The following ACRV1 variants were observed in gnomAD, a reference collection of about 807,000 sequenced individuals.
The protein encoded by ACRV1 is acrosomal vesicle protein 1.
In ACRV1, 17 loss-of-function variants were observed where a neutral mutation model predicts 29.2. The ratio of observed to expected loss-of-function variants is 0.58; its 90% CI spans 0.40 to 0.87. ACRV1 has a LOEUF of 0.87. Ranked by LOEUF, ACRV1 falls within the 40% of genes least tolerant of loss-of-function variation. The probability of loss-of-function intolerance (pLI) is 0.00; values close to 1 mark genes in which losing one functional copy is unlikely to be tolerated. For missense variants in ACRV1, 294 were observed against 316.0 expected (o/e 0.93, Z 0.53); for synonymous variants, 98 against 111.6 (o/e 0.88, Z 0.77).
intron 3 of ACRV1, among the ~76,000 whole-genome samples, chr11:125,672,991 C>T (rs1942276266): frequency 6.6e-6 from 1 of 152,048 alleles, no homozygotes; most frequent in South Asian, 2.1e-4. Flanking sequence ...CTTAATCGTG[C>T]TACTCCCCTA....
At chr11:125,677,010 C>G (rs1360527336) in intron 2 of ACRV1, among the ~76,000 whole-genome samples, 2 of 152,176 alleles carry the variant, frequency 1.3e-5, no homozygotes. Context: ...CATGTTGCCT[C>G]TTTTACTGTC....
rs1942497199 is a variant in ACRV1, at chr11:125,676,173, G to C, written c.673+186C>G. On this transcript the variant is annotated intron_variant, in intron 3 of 3. Transcript: ENST00000533904. ...TCCACCTGCCTTGGCCTCCCAAAGT[G>C]CTGGGATTTTAGGTGTGAGCCACCT... is the stretch of plus-strand genomic sequence containing the variant. 16 of 664,748 alleles carry C rather than the reference G, an allele frequency of 2.4e-5. No homozygotes were observed. The South Asian group carries it at 3.0e-4, about 13-fold the overall frequency. 41.2% of individuals were successfully genotyped at this position (664,748 alleles called of 1,614,324 possible). A position where few individuals can be genotyped will look rare whatever the true frequency, so the allele number is the denominator to read the frequency against.
intron 3 of ACRV1, among the ~76,000 whole-genome samples, chr11:125,673,212 C>CTTTTCTTT (rs2134104794): frequency 7.9e-6 from 1 of 126,882 alleles, no homozygotes; most frequent in African/African-American, 3.1e-5. Flanking sequence ...CTTTTCTTTT[C>CTTTTCTTT]TTTTTTTTTT....
chr11:125,672,659 G>C lies in ACRV1; in HGVS notation c.732C>G (p.Leu244=). The stretch of plus-strand genomic sequence containing the variant: ...TTTGCATCCTCGTTCCATGGGAGAA[G>C]AGGTTCATAGATGGGCACATGTTCT... ...GCENMCPSMN[L]FSHGTRMQII... Residue 244 remains leucine, a synonymous_variant, in exon 4 of 4, where the codon CTC becomes CTG. Coordinates refer to ENST00000533904, the MANE Select transcript of ACRV1 (RefSeq NM_001612.6). 1 of 1,614,150 alleles carries C rather than the reference G, an allele frequency of 6.2e-7. No individual in the cohort carries two copies. The highest frequency in any genetic ancestry group is 8.5e-7 in the Non-Finnish European group (1 of 1,180,014).
Position 125,677,903 on chromosome 11 carries a change from G to C in ACRV1, c.447C>G (p.Gly149=), listed in dbSNP as rs765396396. The C allele has an allele frequency of 1.2e-6, 2 of 1,613,836 alleles. No individual in the cohort carries two copies. Among genetic ancestry groups the C allele is most frequent in the Non-Finnish European group, 1.7e-6 (2 of 1,179,936 alleles). Residue 149 remains glycine, a synonymous_variant, in exon 2 of 4, where the codon GGC becomes GGG. Transcript: ENST00000533904. ...GCTCACCAGAAGGCTGTTCACCGGAGCCATGTTCACCTGAAGGCTGTTCAT... is the reference window on the plus strand; with the variant it reads ...GCTCACCAGAAGGCTGTTCACCGGACCCATGTTCACCTGAAGGCTGTTCAT... ...PSDEQPSGEH[G]SGEQPSGEQA... is the part of the protein sequence containing the mutation.
At chr11:125,680,430 G>A (rs995633556) in intron 1 of ACRV1, among the ~76,000 whole-genome samples, 1 of 152,134 alleles carries the variant, frequency 6.6e-6, no homozygotes, top group Non-Finnish European at 1.5e-5. Context: ...CCTTCATTGG[G>A]CTTCTACAGA....
At chr11:125,677,181 A>T (rs1262222519) in intron 2 of ACRV1, among the ~76,000 whole-genome samples, 1 of 152,224 alleles carries the variant, frequency 6.6e-6, no homozygotes, top group East Asian at 1.9e-4. Context: ...TAGAATAATG[A>T]TATTTAAACA....
intron 3 of ACRV1, among the ~76,000 whole-genome samples, chr11:125,673,100 T>C (rs1261813374): frequency 6.6e-6 from 1 of 151,992 alleles, no homozygotes; most frequent in African/African-American, 2.4e-5. Context: ...TGCCGAAACC[T>C]CTCTCAAAAG....
Position 125,680,638 on chromosome 11 carries a change from G to A in ACRV1, c.52+91C>T, listed in dbSNP as rs1591441126. On this transcript the variant is annotated intron_variant, in intron 1 of 3. Coordinates refer to ENST00000533904, the MANE Select transcript of ACRV1 (RefSeq NM_001612.6). Reference sequence around the variant, plus strand: ...GATTCTGACTCAGATTGGTTTGGGTGACTGAGAGACTGGTCTTCCTTCTTC... The same window carrying A: ...GATTCTGACTCAGATTGGTTTGGGTAACTGAGAGACTGGTCTTCCTTCTTC... The A allele has an allele frequency of 5.1e-6, 6 of 1,187,110 alleles. No individual in the cohort carries two copies. In the East Asian group the frequency reaches 9.6e-5, roughly 19 times the overall value. The allele number at this position is 1,187,110 out of a possible 1,614,324, so 73.5% of individuals were successfully genotyped here. A position where few individuals can be genotyped will look rare whatever the true frequency, so the allele number is the denominator to read the frequency against.
At chr11:125,678,591 AC>A (rs757925273) in intron 1 of ACRV1, among the ~76,000 whole-genome samples, 1 of 152,016 alleles carries the variant, frequency 6.6e-6, no homozygotes, top group Non-Finnish European at 1.5e-5. Context: ...TGTACAAAAA[AC>A]CCCTGAAGGA....
intron 1 of ACRV1, among the ~76,000 whole-genome samples, chr11:125,678,935 T>C (rs1404772487): frequency 1.8e-5 from 2 of 112,030 alleles, no homozygotes; most frequent in Non-Finnish European, 3.7e-5. Context: ...GAGAGCAAAG[T>C]TGCTATAAGC....
rs1309608723 is a variant in ACRV1, at chr11:125,676,449, A to G, written c.583T>C (p.Tyr195His). Residue 195 changes from tyrosine (Y) to histidine (H), a missense_variant, in exon 3 of 4, where the codon TAT becomes CAT. By Grantham distance (83) the Tyr-to-His change is moderately conservative (BLOSUM62 2). Coordinates refer to ENST00000533904, the MANE Select transcript of ACRV1 (RefSeq NM_001612.6). ...AGACATTTTCCTTGATCATTCATAT[A>G]AGCACATGTGTAGCAATTTAATATT... is the stretch of plus-strand genomic sequence containing the variant. ...GTILNCYTCA[Y>H]MNDQGKCLRG... 1 of 1,614,026 alleles carries G rather than the reference A, an allele frequency of 6.2e-7. No homozygotes were observed. Among genetic ancestry groups the G allele is most frequent in the African/African-American group, 1.3e-5 (1 of 74,936 alleles).
At chr11:125,672,756 C>G in intron 3 of ACRV1, 39 bp from the exon 4 acceptor site, 3 of 1,611,370 alleles carry the variant, frequency 1.9e-6, no homozygotes, top group Non-Finnish European at 2.5e-6. Flanking sequence ...CAGAAAGCTT[C>G]GTCCTCCAAC....
Position 125,676,398 on chromosome 11 carries a change from G to C in ACRV1, c.634C>G (p.Gln212Glu). 1 of 1,614,130 alleles carries C rather than the reference G, an allele frequency of 6.2e-7. No homozygotes were observed. The highest frequency in any genetic ancestry group is 2.2e-5 in the East Asian group (1 of 44,870). Reference protein sequence around the residue: ...CLRGEGTCITQNSQQCMLKKI... With the variant: ...CLRGEGTCITENSQQCMLKKI... ...TTTAACATGCACTGCTGGGAATTCTGAGTGATGCAGGTTCCCTCTCCACGA... is the reference window on the plus strand; with the variant it reads ...TTTAACATGCACTGCTGGGAATTCTCAGTGATGCAGGTTCCCTCTCCACGA... The change falls in exon 3 of 4, where the codon CAG becomes GAG. Residue 212 changes from glutamine (Q) to glutamate (E), a missense_variant. Gln to Glu is a conservative substitution (Grantham distance 29). Coordinates refer to ENST00000533904, the MANE Select transcript of ACRV1 (RefSeq NM_001612.6).
At position 125,676,426 on chromosome 11, in the gene ACRV1, A is replaced by T. The variant is rs910941814; in HGVS notation, c.606T>A (p.Cys202Ter). The T allele has an allele frequency of 1.2e-6, 2 of 1,613,990 alleles. No individual in the cohort carries two copies. The highest frequency in any genetic ancestry group is 2.7e-5 in the African/African-American group (2 of 74,910). ...TCAYMNDQGK[C>*]LRGEGTCITQ... is the part of the protein sequence containing the mutation. ...TGATGCAGGTTCCCTCTCCACGAAG[A>T]CATTTTCCTTGATCATTCATATAAG... Residue 202 changes from cysteine to a stop codon, truncating the protein, a stop_gained, in exon 3 of 4, where the codon TGT becomes TGA. Transcript: ENST00000533904. LOFTEE classifies it high-confidence loss of function.
intron 1 of ACRV1, among the ~76,000 whole-genome samples, chr11:125,679,728 A>C (rs551724700): frequency 3.9e-5 from 6 of 152,354 alleles, no homozygotes; most frequent in Admixed American, 3.3e-4. Flanking sequence ...CTAAAACCCC[A>C]GAGTACTCAA....
In ACRV1 at chr11:125,680,315, C is replaced by T. The variant is rs142744729; in HGVS notation, c.52+414G>A. Among the ~76,000 whole-genome samples the T allele has an allele frequency of 1.4e-4, 22 of 152,258 alleles. 1 individual carries two copies. In the East Asian group the frequency reaches 4.3e-3, roughly 29 times the overall value. ...TGAAGTCTCTGGCCTATAGCTCTGTCGTGTTCTGAGGTTGTTTTCTGAACA... is the reference window on the plus strand; with the variant it reads ...TGAAGTCTCTGGCCTATAGCTCTGTTGTGTTCTGAGGTTGTTTTCTGAACA... On this transcript the variant is annotated intron_variant, in intron 1 of 3. Coordinates refer to ENST00000533904, the MANE Select transcript of ACRV1 (RefSeq NM_001612.6).
chr11:125,672,578 C>G lies in ACRV1; in HGVS notation c.*15G>C, dbSNP rs181562851. Reference sequence around the variant, plus strand: ...TTTTTACTGCCTGAGTCAAAACAAGCAAGGGCCCAGGCTTCTAGATCTTAT... The same window carrying G: ...TTTTTACTGCCTGAGTCAAAACAAGGAAGGGCCCAGGCTTCTAGATCTTAT... On this transcript the variant is annotated 3_prime_UTR_variant, in exon 4 of 4. Transcript: ENST00000533904. 6.8e-6 allele frequency: 11 copies of G among 1,612,902 alleles called. No homozygotes were observed. The highest frequency in any genetic ancestry group is 2.2e-5 in the East Asian group (1 of 44,868).
At position 125,678,155 on chromosome 11, in the gene ACRV1, T is replaced by G. The variant is rs771600640; in HGVS notation, c.195A>C (p.Leu65Phe). Reference protein sequence around the residue: ...LYETSSGLNTLSEHGSSEHGS... With the variant: ...LYETSSGLNTFSEHGSSEHGS... ...CATGCTCACTGGAACCATGCTCACT[T>G]AAAGTGTTCAGGCCTGAAGAAGTCT... Residue 65 changes from leucine (L) to phenylalanine (F), a missense_variant, in exon 2 of 4, where the codon TTA becomes TTC. By Grantham distance (22) the Leu-to-Phe change is conservative. Transcript: ENST00000533904. 1.2e-6 allele frequency: 2 copies of G among 1,614,036 alleles called. No homozygotes were observed. The highest frequency in any genetic ancestry group is 1.7e-6 in the Non-Finnish European group (2 of 1,180,036).
Sources: allele counts gnomAD v4.1 joint callset (sites outside exome capture counted in the v4.1 genomes callset), GRCh38; gene constraint gnomAD v4.1.1; transcripts MANE v1.5; gene names NCBI Gene and HGNC (gene_info 2026-07-23, HGNC 2026-07-21).